The following BAZ2B variants were observed in gnomAD, a reference collection of about 807,000 sequenced individuals.
BAZ2B encodes the protein bromodomain adjacent to zinc finger domain protein 2B.
In BAZ2B, 91 loss-of-function variants were observed where a neutral mutation model predicts 246.0. The ratio of observed to expected loss-of-function variants is 0.37; its 90% CI spans 0.31 to 0.44. The LOEUF (loss-of-function observed/expected upper bound fraction) is 0.44. BAZ2B is among the 20% of genes least tolerant of loss of function. The pLI is 1.00. For synonymous variants in BAZ2B, 855 were observed against 860.0 expected (o/e 0.99, Z 0.10); for missense variants, 2,332 against 2,533.7 (o/e 0.92, Z 1.71).
intron 27 of BAZ2B, 67 bp downstream of exon 27, chr2:159,372,978 G>T: frequency 6.8e-7 from 1 of 1,467,608 alleles, no homozygotes; most frequent in Non-Finnish European, 9.2e-7. Context: ...ATATATTGAA[G>T]AAGTAACAGA....
At chr2:159,543,940 G>A (rs2086975441) in intron 2 of BAZ2B, among the ~76,000 whole-genome samples, 1 of 152,180 alleles carries the variant, frequency 6.6e-6, no homozygotes, top group South Asian at 2.1e-4. Context: ...TCCATATATT[G>A]GATCTGGCTG....
chr2:159,326,038 G>T, intron 34 of BAZ2B, 120 bp from the exon 35 acceptor site: 1 of 818,940 alleles, frequency 1.2e-6, no homozygotes, highest in African/African-American at 1.8e-5. Context: ...GATCTAGAAT[G>T]TTGATAACTA....
chr2:159,495,471 C>A (rs1341021996), intron 2 of BAZ2B, among the ~76,000 whole-genome samples: 2 of 102,306 alleles, frequency 2.0e-5, no homozygotes, highest in Non-Finnish European at 3.5e-5. Flanking sequence ...GGCGACAGAG[C>A]GAGACTCCGT....
chr2:159,501,157 T>TATATTTTATATAATATATATA (rs540013079), intron 2 of BAZ2B, among the ~76,000 whole-genome samples: 2 of 93,458 alleles, frequency 2.1e-5, no homozygotes, highest in Non-Finnish European at 4.0e-5. Flanking sequence ...ATAATATATA[T>TATATTTTATATAATATATATA]AAATATATAA....
At chr2:159,630,716 A>G in the BAZ2B span, among the ~76,000 whole-genome samples, 1 of 152,072 alleles carries the variant, frequency 6.6e-6, no homozygotes, top group East Asian at 1.9e-4. Context: ...TTGTATTTTT[A>G]GTAGAGACAG....
chr2:159,622,340 T>C, the BAZ2B span, among the ~76,000 whole-genome samples: 1 of 149,590 alleles, frequency 6.7e-6, no homozygotes, highest in Admixed American at 6.7e-5. Flanking sequence ...AAGGATAAAC[T>C]TGGATCTGCT....
chr2:159,438,582 G>A lies in BAZ2B; in HGVS notation c.1014C>T (p.His338=), dbSNP rs780209718. 2 of 1,614,180 alleles carry A rather than the reference G, an allele frequency of 1.2e-6. No individual in the cohort carries two copies. Among genetic ancestry groups the A allele is most frequent in the East Asian group, 4.5e-5 (2 of 44,874 alleles). Residue 338 remains histidine (H), a synonymous_variant, in exon 8 of 37, where the codon CAC becomes CAT. Transcript: ENST00000392783. Reference sequence around the variant, plus strand: ...GCTGCTTCTGCTGGGATTGGAATGAGTGAGTCTGGGATTCAGACGCAAGAG... The same window carrying A: ...GCTGCTTCTGCTGGGATTGGAATGAATGAGTCTGGGATTCAGACGCAAGAG... ...PLPLASESQT[H]SFQSQQKQPQ... is the part of the protein sequence containing the mutation.
At chr2:159,552,363 T>C (rs2088392047) in intron 2 of BAZ2B, among the ~76,000 whole-genome samples, 1 of 152,200 alleles carries the variant, frequency 6.6e-6, no homozygotes, top group Non-Finnish European at 1.5e-5. Context: ...ATTTGAATGT[T>C]TAGGATATAT....
chr2:159,332,860 A>G, intron 33 of BAZ2B, 174 bp from the exon 34 acceptor site: 1 of 704,006 alleles, frequency 1.4e-6, no homozygotes, highest in Middle Eastern at 4.2e-4. Context: ...TATGGACCAC[A>G]TGACGGGTGA....
intron 27 of BAZ2B, among the ~76,000 whole-genome samples, chr2:159,356,875 C>T (rs111385742): frequency 6.6e-6 from 1 of 152,164 alleles, no homozygotes; most frequent in Non-Finnish European, 1.5e-5. Context: ...AGCAGACCTG[C>T]AGCAGAGGGG....
At chr2:159,321,523 G>A (rs550332872) in intron 36 of BAZ2B, among the ~76,000 whole-genome samples, 5 of 152,224 alleles carry the variant, frequency 3.3e-5, no homozygotes, top group Admixed American at 6.5e-5. Flanking sequence ...ATCAACAGAC[G>A]AATGGATAAA....
chr2:159,573,942 A>C (rs1578512702), intron 1 of BAZ2B, among the ~76,000 whole-genome samples: 1 of 152,106 alleles, frequency 6.6e-6, no homozygotes, highest in Non-Finnish European at 1.5e-5. Context: ...CCTACAAAAA[A>C]ATATAAAAAT....
intron 1 of BAZ2B, among the ~76,000 whole-genome samples, chr2:159,561,457 T>C (rs2089862500): frequency 6.6e-6 from 1 of 152,214 alleles, no homozygotes; most frequent in African/African-American, 2.4e-5. Flanking sequence ...TTAATAAACC[T>C]CTTTTCTTTA....
chr2:159,465,574 G>A (rs1180762476), intron 3 of BAZ2B, among the ~76,000 whole-genome samples: 1 of 152,134 alleles, frequency 6.6e-6, no homozygotes, highest in Non-Finnish European at 1.5e-5. Context: ...AAATACTTGT[G>A]ATCAAACCTT....
chr2:159,502,218 G>T (rs1292262107), intron 2 of BAZ2B, among the ~76,000 whole-genome samples: 3 of 151,904 alleles, frequency 2.0e-5, no homozygotes, highest in Non-Finnish European at 4.4e-5. Flanking sequence ...ATTATGAAAT[G>T]TTTTAACTGA....
At chr2:159,605,076 C>T (rs1398901078) in intron 1 of BAZ2B, among the ~76,000 whole-genome samples, 1 of 152,162 alleles carries the variant, frequency 6.6e-6, no homozygotes, top group African/African-American at 2.4e-5. Context: ...CACTCTGTTA[C>T]ACAGGCTGGA....
rs2062252697 is a variant in BAZ2B, at chr2:159,383,506, G to A, written c.3761+100C>T. ...TAAATTGAGCATTATCTTTTCTTTAGACAATAAAAGTTTAAATTCTATCTT... is the reference window on the plus strand; with the variant it reads ...TAAATTGAGCATTATCTTTTCTTTAAACAATAAAAGTTTAAATTCTATCTT... On this transcript the variant is annotated intron_variant, in intron 24 of 36. Coordinates refer to ENST00000392783, the MANE Select transcript of BAZ2B (RefSeq NM_013450.4). 7.9e-6 allele frequency: 8 copies of A among 1,014,060 alleles called. No homozygotes were observed. In the South Asian group the frequency reaches 1.0e-4, roughly 13 times the overall value. The allele number at this position is 1,014,060 out of a possible 1,614,324, so 62.8% of individuals were successfully genotyped here.
intron 2 of BAZ2B, among the ~76,000 whole-genome samples, chr2:159,497,391 G>T (rs1396860729): frequency 6.6e-6 from 1 of 152,180 alleles, no homozygotes; most frequent in African/African-American, 2.4e-5. Flanking sequence ...CTTGACTCAG[G>T]CTTCCTCTTT....
chr2:159,556,525 A>AATTTTTTGTTGTTTTT (rs1288676271), intron 1 of BAZ2B, among the ~76,000 whole-genome samples: 4 of 139,472 alleles, frequency 2.9e-5, no homozygotes, highest in African/African-American at 1.3e-4. Context: ...CAGTGGCGCG[A>AATTTTTTGTTGTTTTT]TCGTGGCTCA....
Sources: gnomAD v4.1 joint callset for allele counts (sites outside exome capture counted in the v4.1 genomes callset) on GRCh38, gnomAD v4.1.1 for gene constraint, MANE v1.5 for transcripts, NCBI Gene and HGNC (gene_info 2026-07-23, HGNC 2026-07-21) for gene names.